CA10: variants seen among roughly 807,000 people sequenced by gnomAD.
The protein encoded by CA10 is carbonic anhydrase-related protein 10.
Under a neutral mutation model 44.2 loss-of-function variants are expected in CA10, and 14 were observed. The ratio of observed to expected loss-of-function variants is 0.32; its 90% CI spans 0.21 to 0.50. The LOEUF (loss-of-function observed/expected upper bound fraction) is 0.50, where lower values mean the gene tolerates loss of function less well. CA10 is among the 20% of genes least tolerant of loss of function. The pLI is 0.99. For missense variants in CA10, 350 were observed against 409.7 expected (o/e 0.85, Z 1.26); for synonymous variants, 159 against 141.6 (o/e 1.12, Z -0.87).
rs533218645 is a variant in CA10 at position 52,081,809 on chromosome 17, A to AAAATTAAATT, written c.62-9417_62-9416insAATTTAATTT. 2.0e-5 allele frequency among the ~76,000 whole-genome samples: 3 copies of AAAATTAAATT among 151,962 alleles called. No homozygotes were observed. The South Asian group carries it at 6.3e-4, about 32-fold the overall frequency. On this transcript the variant is annotated intron_variant, in intron 1 of 8. Coordinates refer to ENST00000451037, the MANE Select transcript of CA10 (RefSeq NM_020178.5). ...AGCGAGACTCCGTCTCAAAAAAAAA[A>AAAATTAAATT]AAAAAAAAAAAGATTTAGATGAAGC...
intron 3 of CA10, among the ~76,000 whole-genome samples, chr17:51,758,459 C>T (rs77993972): frequency 0.013 from 1,907 of 152,302 alleles, 18 homozygotes; most frequent in South Asian, 0.038. Flanking sequence ...AGAGAATGCT[C>T]CCTTTCCTCC....
intron 4 of CA10, among the ~76,000 whole-genome samples, chr17:51,714,003 G>A (rs199652657): frequency 2.2e-4 from 33 of 152,204 alleles, no homozygotes; most frequent in East Asian, 5.8e-4. Context: ...TGGCTTTTCC[G>A]TTTCTTATAG....
chr17:51,730,005 T>C (rs980137691), intron 4 of CA10, among the ~76,000 whole-genome samples: 4 of 152,176 alleles, frequency 2.6e-5, no homozygotes, highest in Non-Finnish European at 4.4e-5. Context: ...ATAACTTTCC[T>C]AAGGCTAGTA....
intron 2 of CA10, among the ~76,000 whole-genome samples, chr17:52,018,605 T>C (rs1343412029): frequency 6.6e-6 from 1 of 152,110 alleles, no homozygotes; most frequent in Admixed American, 6.6e-5. Flanking sequence ...AATAAATAAC[T>C]TATTTTTGAT....
intron 3 of CA10, among the ~76,000 whole-genome samples, chr17:51,799,752 C>T (rs1906854424): frequency 6.6e-6 from 1 of 152,046 alleles, no homozygotes; most frequent in African/African-American, 2.4e-5. Context: ...CTCATAGGCA[C>T]ATAAAAAGAA....
chr17:52,082,077 T>TA (rs1314790011), intron 1 of CA10, among the ~76,000 whole-genome samples: 1 of 152,156 alleles, frequency 6.6e-6, no homozygotes, highest in Non-Finnish European at 1.5e-5. Flanking sequence ...GTCTCAAGGG[T>TA]AAAAATGTTG....
chr17:51,948,552 G>A (rs915444472), intron 2 of CA10, among the ~76,000 whole-genome samples: 1 of 152,186 alleles, frequency 6.6e-6, no homozygotes, highest in African/African-American at 2.4e-5. Context: ...GCCCTGCTAT[G>A]AGTCTCCAGT....
At chr17:52,056,722 G>A (rs958393328) in intron 2 of CA10, among the ~76,000 whole-genome samples, 4 of 151,872 alleles carry the variant, frequency 2.6e-5, no homozygotes, top group African/African-American at 9.7e-5. Flanking sequence ...ATCCTGCTGT[G>A]TATTCTGTAA....
rs1425903311 is a variant in CA10, at chr17:51,717,855, A to ACATGTG, written c.465+29777_465+29778insCACATG. 4.8e-5 allele frequency among the ~76,000 whole-genome samples: 2 copies of ACATGTG among 41,812 alleles called. 1 individual carries two copies. Among genetic ancestry groups the ACATGTG allele is most frequent in the Admixed American group, 6.4e-4 (2 of 3,128 alleles). The allele number at this position is 41,812 out of a possible 152,430, so 27.4% of individuals were successfully genotyped here. The stretch of plus-strand genomic sequence containing the variant: ...TATATATATATATATATATATATAT[A>ACATGTG]TATATATATATATACAGGATAGAAT... On this transcript the variant is annotated intron_variant, in intron 4 of 8. Coordinates refer to ENST00000451037, the MANE Select transcript of CA10 (RefSeq NM_020178.5).
At chr17:51,738,870 C>T (rs532237436) in intron 4 of CA10, among the ~76,000 whole-genome samples, 117 of 152,196 alleles carry the variant, frequency 7.7e-4, no homozygotes, top group African/African-American at 2.7e-3. Flanking sequence ...GTTAAAAATC[C>T]CCAATTAAGA....
chr17:51,777,981 G>A (rs962431981), intron 3 of CA10, among the ~76,000 whole-genome samples: 3 of 152,126 alleles, frequency 2.0e-5, no homozygotes, highest in African/African-American at 7.2e-5. Context: ...GGTTATTGAT[G>A]GAGCCTCATC....
intron 3 of CA10, among the ~76,000 whole-genome samples, chr17:51,824,295 G>A (rs574088287): frequency 6.6e-6 from 1 of 152,282 alleles, no homozygotes; most frequent in South Asian, 2.1e-4. Context: ...TGTGCCAGAT[G>A]AGTTCAAAGA....
chr17:52,071,461 G>A (rs879781880), intron 2 of CA10, among the ~76,000 whole-genome samples: 4 of 152,146 alleles, frequency 2.6e-5, no homozygotes, highest in Non-Finnish European at 4.4e-5. Context: ...AGGAAAAGAA[G>A]ACATAGAAGC....
intron 3 of CA10, among the ~76,000 whole-genome samples, chr17:51,894,411 G>A (rs1271611669): frequency 6.6e-6 from 1 of 152,056 alleles, no homozygotes; most frequent in Non-Finnish European, 1.5e-5. Flanking sequence ...GAACTCCCAA[G>A]TAACTTTGAT....
intron 2 of CA10, among the ~76,000 whole-genome samples, chr17:51,981,518 G>A (rs1369690874): frequency 6.6e-6 from 1 of 151,960 alleles, no homozygotes; most frequent in Non-Finnish European, 1.5e-5. Context: ...CTCTCTGAGA[G>A]AGTGGTTGAT....
In CA10 at chr17:51,850,240, T is replaced by C. The variant is rs1978730301; in HGVS notation, c.279+80750A>G. On this transcript the variant is annotated intron_variant, in intron 3 of 8. Transcript: ENST00000451037. ...ATATGCAGCATGGCATATGTATAAATCTGTCCTGAGTTTTATGGTTTCATA... is the reference window on the plus strand; with the variant it reads ...ATATGCAGCATGGCATATGTATAAACCTGTCCTGAGTTTTATGGTTTCATA... Among the ~76,000 whole-genome samples the C allele has an allele frequency of 2.0e-5, 3 of 152,170 alleles. No homozygotes were observed. In the South Asian group the frequency reaches 6.2e-4, roughly 31 times the overall value.
chr17:51,835,888 G>A (rs1012336059), intron 3 of CA10, among the ~76,000 whole-genome samples: 1 of 152,156 alleles, frequency 6.6e-6, no homozygotes, highest in Non-Finnish European at 1.5e-5. Flanking sequence ...GAAGGTCAGA[G>A]AAGATGACAT....
intron 1 of CA10, among the ~76,000 whole-genome samples, chr17:52,141,983 A>G (rs1482085468): frequency 6.6e-6 from 1 of 152,192 alleles, no homozygotes; most frequent in East Asian, 1.9e-4. Context: ...CCGATGGGGC[A>G]TTATGGGGAG....
chr17:51,682,116 G>T (rs1010670002), intron 4 of CA10, among the ~76,000 whole-genome samples: 2 of 152,224 alleles, frequency 1.3e-5, no homozygotes, highest in Non-Finnish European at 2.9e-5. Context: ...CATGGTCCCT[G>T]TTCTCTAGGT....
Sources: allele counts gnomAD v4.1 joint callset (sites outside exome capture counted in the v4.1 genomes callset), GRCh38; gene constraint gnomAD v4.1.1; transcripts MANE v1.5; gene names NCBI Gene and HGNC (gene_info 2026-07-23, HGNC 2026-07-21).